The following UBA6 variants were observed in gnomAD, a reference collection of about 807,000 sequenced individuals.
The protein encoded by UBA6 is ubiquitin like modifier activating enzyme 6.
In UBA6, 87 loss-of-function variants were observed where a neutral mutation model predicts 148.3. The observed-to-expected ratio is 0.59, with a 90% CI of 0.49 to 0.70. The LOEUF is 0.70. Among genes scored for constraint, UBA6 ranks in the 30% least tolerant of loss-of-function variants. The pLI, the probability that UBA6 is intolerant of heterozygous loss-of-function variation, is 0.00. For synonymous variants in UBA6, 376 were observed against 401.0 expected, an observed-to-expected ratio of 0.94 and a Z score of 0.75; for missense variants, 1,186 against 1,241.2, an observed-to-expected ratio of 0.96 and a Z score of 0.67.
At chr4:67,631,828 T>A (rs756307467) in intron 24 of UBA6, 29 bp downstream of exon 24, 2 of 1,610,288 alleles carry the variant, frequency 1.2e-6, no homozygotes, top group South Asian at 2.2e-5. Flanking sequence ...TAAATGTCAT[T>A]AAAATTTATT....
In UBA6 at chr4:67,622,856, C is replaced by G; in HGVS notation, c.2998G>C (p.Gly1000Arg). The change falls in exon 32 of 33, where the codon GGT becomes CGT. Residue 1000 changes from glycine (G) to arginine (R), a missense_variant. Coordinates refer to ENST00000322244, the MANE Select transcript of UBA6 (RefSeq NM_018227.6). ...GTTAACTTCAATCTTTTTGCATGAC[C>G]AGGCATTACAGGAACATAAAGCATT... ...VKMLYVPVMP[G>R]HAKRLKLTMH... 1 of 1,611,548 alleles carries G rather than the reference C, an allele frequency of 6.2e-7. No individual in the cohort carries two copies. Among genetic ancestry groups the G allele is most frequent in the Non-Finnish European group, 8.5e-7 (1 of 1,178,972 alleles).
chr4:67,646,582 C>T (rs1015821764), intron 15 of UBA6, 142 bp downstream of exon 15: 2 of 577,298 alleles, frequency 3.5e-6, no homozygotes, highest in Non-Finnish European at 6.1e-6. Context: ...ATTATTATGA[C>T]ACTTAAAATG....
At chr4:67,654,986 G>GCTT (rs1729651037) in intron 13 of UBA6, among the ~76,000 whole-genome samples, 1 of 152,060 alleles carries the variant, frequency 6.6e-6, no homozygotes. Context: ...TCAACAAGAA[G>GCTT]AGCTAACTAT....
Position 67,658,568 on chromosome 4 carries a change from G to A in UBA6, c.1104+3621C>T, listed in dbSNP as rs539585543. 2.2e-4 allele frequency among the ~76,000 whole-genome samples: 34 copies of A among 152,144 alleles called. No homozygotes were observed. The South Asian group carries it at 2.5e-3, about 11-fold the overall frequency. On this transcript the variant is annotated intron_variant, in intron 13 of 32. Coordinates refer to ENST00000322244, the MANE Select transcript of UBA6 (RefSeq NM_018227.6). ...CTACTGGAGGGTGGGAAGAGGGGGC[G>A]GAAATGACTAACAGGTACTAGGCTT...
intron 7 of UBA6, among the ~76,000 whole-genome samples, chr4:67,672,194 T>C (rs1730165298): frequency 6.6e-6 from 1 of 152,216 alleles, no homozygotes; most frequent in Non-Finnish European, 1.5e-5. Flanking sequence ...CTCTTTTGAA[T>C]TATTGAGGAC....
At chr4:67,688,746 T>C (rs1193780836) in intron 2 of UBA6, among the ~76,000 whole-genome samples, 2 of 152,154 alleles carry the variant, frequency 1.3e-5, no homozygotes, top group African/African-American at 4.8e-5. Flanking sequence ...TAAATATATA[T>C]GTACAAATAT....
chr4:67,626,471 GAAC>G lies in UBA6; in HGVS notation c.2404_2406del (p.Val802del), dbSNP rs1728870983. 1 of 1,596,864 alleles carries G rather than the reference GAAC, an allele frequency of 6.3e-7. No homozygotes were observed. Among genetic ancestry groups the G allele is most frequent in the Non-Finnish European group, 8.6e-7 (1 of 1,167,062 alleles). On this transcript the variant is annotated inframe_deletion, in exon 28 of 33. Transcript: ENST00000322244. Reference sequence around the variant, plus strand: ...GGTTTCCTTGCAGTTTCATCTGTTTGAACAACCTTTGAATATATGAATATATTT... The same window carrying G: ...GGTTTCCTTGCAGTTTCATCTGTTTGAACCTTTGAATATATGAATATATTT...
chr4:67,686,612 GA>G (rs1428797820), intron 2 of UBA6, among the ~76,000 whole-genome samples: 1 of 152,054 alleles, frequency 6.6e-6, no homozygotes, highest in Non-Finnish European at 1.5e-5. Flanking sequence ...CTGAAGAAAT[GA>G]AAGTTGGAGT....
intron 19 of UBA6, among the ~76,000 whole-genome samples, chr4:67,636,921 G>A (rs1445768460): frequency 4.7e-5 from 7 of 148,924 alleles, no homozygotes; most frequent in African/African-American, 1.5e-4. Context: ...GCCTCTTCCC[G>A]GCCGCCATCC....
At chr4:67,650,246 A>T (rs2109920912) in intron 13 of UBA6, among the ~76,000 whole-genome samples, 1 of 152,298 alleles carries the variant, frequency 6.6e-6, no homozygotes, top group African/African-American at 2.4e-5. Context: ...CAACCTTCAA[A>T]ATAATCCTTA....
At chr4:67,670,665 C>A in intron 7 of UBA6, 73 bp from the exon 8 acceptor site, 1 of 1,156,230 alleles carries the variant, frequency 8.6e-7, no homozygotes, top group Non-Finnish European at 1.3e-6. Flanking sequence ...TAGGCCATTT[C>A]ATAACAATTT....
chr4:67,626,713 A>AG (rs1728877986), intron 27 of UBA6, among the ~76,000 whole-genome samples: 1 of 151,928 alleles, frequency 6.6e-6, no homozygotes, highest in East Asian at 1.9e-4. Context: ...CTATAACAAC[A>AG]GGGATCTTTA....
chr4:67,613,498 T>C lies in UBA6; in HGVS notation c.*5499A>G, dbSNP rs1296899622. The C allele has an allele frequency of 6.6e-6, 1 of 152,186 alleles. No homozygotes were observed. The highest frequency in any genetic ancestry group is 1.5e-5 in the Non-Finnish European group (1 of 68,038). The allele number at this position is 152,186 out of a possible 1,614,324, so 9.4% of individuals were successfully genotyped here. A position where few individuals can be genotyped will look rare whatever the true frequency, so the allele number is the denominator to read the frequency against. ...AAACTGCAGGAGTGACAAATTTACA[T>C]GCTTTCAATTAGAAATATGAGAACT... On this transcript the variant is annotated 3_prime_UTR_variant, in exon 33 of 33. Coordinates refer to ENST00000322244, the MANE Select transcript of UBA6 (RefSeq NM_018227.6).
intron 1 of UBA6, among the ~76,000 whole-genome samples, chr4:67,698,060 C>G (rs573556327): frequency 6.6e-6 from 1 of 152,168 alleles, no homozygotes; most frequent in Non-Finnish European, 1.5e-5. Flanking sequence ...TTTGCTGTTT[C>G]GCAAGAAGGC....
chr4:67,678,563 G>C, intron 4 of UBA6, 30 bp from the exon 5 acceptor site: 1 of 1,372,810 alleles, frequency 7.3e-7, no homozygotes, highest in Non-Finnish European at 1.0e-6. Context: ...ATTGGTTGAA[G>C]TCAGGAGTTC....
chr4:67,642,621 T>C (rs1487323287), intron 17 of UBA6, among the ~76,000 whole-genome samples: 2 of 152,078 alleles, frequency 1.3e-5, no homozygotes, highest in Non-Finnish European at 2.9e-5. Context: ...TTGAACTGAG[T>C]ATAGGTTAAT....
chr4:67,650,751 G>A (rs548650279), intron 13 of UBA6, among the ~76,000 whole-genome samples: 67 of 152,116 alleles, frequency 4.4e-4, no homozygotes, highest in Admixed American at 1.6e-3. Context: ...ACAGTCCTAA[G>A]AAAAAGAAAG....
chr4:67,678,570 G>A, intron 4 of UBA6, 37 bp from the exon 5 acceptor site: 4 of 1,242,816 alleles, frequency 3.2e-6, no homozygotes, highest in Non-Finnish European at 4.7e-6. Flanking sequence ...GAAGTCAGGA[G>A]TTCAAGGATA....
intron 17 of UBA6, 50 bp downstream of exon 17, chr4:67,644,648 G>T: frequency 1.9e-6 from 2 of 1,072,096 alleles, no homozygotes; most frequent in South Asian, 2.6e-5. Flanking sequence ...AGCTGAAAAA[G>T]GGCAACAACA....
Sources: allele counts gnomAD v4.1 joint callset (sites outside exome capture counted in the v4.1 genomes callset), GRCh38; gene constraint gnomAD v4.1.1; transcripts MANE v1.5; gene names NCBI Gene and HGNC (gene_info 2026-07-23, HGNC 2026-07-21).